The following JAK2 variants were observed in gnomAD, a reference collection of about 807,000 sequenced individuals.
JAK2 encodes Janus kinase 2.
Under a neutral mutation model 139.3 loss-of-function variants are expected in JAK2, and 86 were observed. The ratio of observed to expected loss-of-function variants is 0.62; its 90% CI spans 0.52 to 0.74. JAK2 has a LOEUF of 0.74. Among genes scored for constraint, JAK2 ranks in the 30% least tolerant of loss-of-function variants. JAK2 has a pLI of 0.00. For missense variants in JAK2, 1,421 were observed against 1,360.3 expected (o/e 1.04, Z -0.70); for synonymous variants, 490 against 437.7 (o/e 1.12, Z -1.49).
At chr9:5,057,548 C>G (rs1365260272) in intron 8 of JAK2, among the ~76,000 whole-genome samples, 1 of 150,716 alleles carries the variant, frequency 6.6e-6, no homozygotes, top group Non-Finnish European at 1.5e-5. Flanking sequence ...ATTTCCCCCT[C>G]TTCCCAATCC....
chr9:5,060,897 G>A (rs1818122189), intron 8 of JAK2, among the ~76,000 whole-genome samples: 1 of 152,196 alleles, frequency 6.6e-6, no homozygotes, highest in Non-Finnish European at 1.5e-5. Context: ...CTTGAAAGTT[G>A]AAATTACTCC....
intron 2 of JAK2, among the ~76,000 whole-genome samples, chr9:5,010,412 C>T (rs575213008): frequency 5.3e-5 from 8 of 152,046 alleles, no homozygotes; most frequent in South Asian, 2.1e-4. Flanking sequence ...CCTCTGCCTT[C>T]GGGGTTCAAG....
chr9:5,119,891 C>T (rs530654831), intron 22 of JAK2, among the ~76,000 whole-genome samples: 26 of 151,938 alleles, frequency 1.7e-4, no homozygotes, highest in Admixed American at 2.6e-4. Context: ...ATATTTTATA[C>T]AATGAAATGA....
intron 6 of JAK2, among the ~76,000 whole-genome samples, chr9:5,051,968 A>G (rs965223394): frequency 1.3e-5 from 2 of 149,210 alleles, no homozygotes; most frequent in South Asian, 2.2e-4. Context: ...AGCCCAAAGG[A>G]AAAAAAAAAC....
At position 5,080,619 on chromosome 9, in the gene JAK2, T is replaced by C. The variant is rs1401985047; in HGVS notation, c.2370T>C (p.Tyr790=). 4.4e-6 allele frequency: 7 copies of C among 1,608,934 alleles called. No homozygotes were observed. Among genetic ancestry groups the C allele is most frequent in the Non-Finnish European group, 8.5e-7 (1 of 1,178,580 alleles). Residue 790 remains tyrosine (Y), a synonymous_variant, in exon 18 of 25, where the codon TAT becomes TAC. Transcript: ENST00000381652. ...ACCTTATAAATAATTGTATGGATTA[T>C]GAACCAGATTTCAGGCCTTCTTTCA... ...LANLINNCMD[Y]EPDFRPSFRA...
At chr9:5,110,076 A>T (rs183080369) in intron 22 of JAK2, 2 of 152,246 alleles carry the variant, frequency 1.3e-5, no homozygotes, top group East Asian at 3.9e-4. Context: ...ATTCATTCTA[A>T]ACCCTACCTC....
chr9:5,107,775 T>C (rs1025988460), intron 22 of JAK2, among the ~76,000 whole-genome samples: 1 of 152,148 alleles, frequency 6.6e-6, no homozygotes, highest in African/African-American at 2.4e-5. Flanking sequence ...ATTACCCTTA[T>C]AACTTTAAAT....
In JAK2 at chr9:5,074,619, G is replaced by GTC. The variant is rs1054357479; in HGVS notation, c.1864+841_1864+842dup. ...TGCTCCATCAATGAGCCATTCCTCT[G>GTC]TCTCTCTCCCTCTCCTGGGGCCTCC... is the stretch of plus-strand genomic sequence containing the variant. On this transcript the variant is annotated intron_variant, in intron 14 of 24. Coordinates refer to ENST00000381652, the MANE Select transcript of JAK2 (RefSeq NM_004972.4). Among the ~76,000 whole-genome samples, 3 of 152,280 alleles carry GTC rather than the reference G, an allele frequency of 2.0e-5. No individual in the cohort carries two copies. The East Asian group carries it at 5.8e-4, about 29-fold the overall frequency.
intron 4 of JAK2, chr9:5,041,784 C>T (rs1468235268): frequency 4.1e-6 from 2 of 487,300 alleles, no homozygotes; most frequent in Admixed American, 2.3e-5. Flanking sequence ...CCAGCCTCAG[C>T]TTCGGGACAA....
chr9:5,073,759 A>G lies in JAK2; in HGVS notation c.1838A>G (p.Tyr613Cys). Residue 613 changes from tyrosine (Y) to cysteine (C), a missense_variant, in exon 14 of 25, where the codon TAT becomes TGT. Tyr to Cys is a radical substitution (Grantham distance 194, BLOSUM62 -2). Coordinates refer to ENST00000381652, the MANE Select transcript of JAK2 (RefSeq NM_004972.4). ...TCTCACAAGCATTTGGTTTTAAATT[A>G]TGGAGTATGTGTCTGTGGAGACGAG... ...KLSHKHLVLN[Y>C]GVCVCGDENI... is the part of the protein sequence containing the mutation. The G allele has an allele frequency of 6.2e-7, 1 of 1,611,158 alleles. No individual in the cohort carries two copies. Among genetic ancestry groups the G allele is most frequent in the Non-Finnish European group, 8.5e-7 (1 of 1,177,824 alleles).
intron 22 of JAK2, among the ~76,000 whole-genome samples, chr9:5,101,309 G>A (rs1276280576): frequency 6.6e-6 from 1 of 152,220 alleles, no homozygotes; most frequent in Non-Finnish European, 1.5e-5. Flanking sequence ...CCACCCGTGA[G>A]GCAGCAGCCT....
Position 4,985,617 on chromosome 9 carries a change from G to C in JAK2, c.-122G>C, listed in dbSNP as rs1819902682. ...GCTCGAGGGCGCGCTCTGGTCGCCC[G>C]ATCTGTGTAGCCGGTGGGTGTTATC... On this transcript the variant is annotated 5_prime_UTR_variant, in exon 1 of 25. Coordinates refer to ENST00000381652, the MANE Select transcript of JAK2 (RefSeq NM_004972.4). 1 of 152,562 alleles carries C rather than the reference G, an allele frequency of 6.6e-6. No individual in the cohort carries two copies. The highest frequency in any genetic ancestry group is 6.5e-5 in the Admixed American group (1 of 15,290). The allele number at this position is 152,562 out of a possible 1,614,324, so 9.5% of individuals were successfully genotyped here.
chr9:5,022,381 T>A (rs1162199679), intron 3 of JAK2, among the ~76,000 whole-genome samples, 168 bp downstream of exon 3: 1 of 152,144 alleles, frequency 6.6e-6, no homozygotes, highest in Non-Finnish European at 1.5e-5. Context: ...GGAGTACAAT[T>A]TATGGTGAAT....
At chr9:5,046,199 G>C in intron 5 of JAK2, among the ~76,000 whole-genome samples, 1 of 152,020 alleles carries the variant, frequency 6.6e-6, no homozygotes, top group South Asian at 2.1e-4. Flanking sequence ...TTGCTTGTTG[G>C]CTATTTGTTT....
chr9:5,077,924 T>G (rs1321379553), intron 15 of JAK2, among the ~76,000 whole-genome samples: 1 of 152,148 alleles, frequency 6.6e-6, no homozygotes, highest in Admixed American at 6.5e-5. Flanking sequence ...GAAAGCGGTG[T>G]TGACAGAGAA....
chr9:5,055,856 T>G lies in JAK2; in HGVS notation c.1056+68T>G, dbSNP rs941473495. ...TCTCAGAAATGTGTATTTTAGAATC[T>G]TAGTACCAAAATTATTTTCTGGTAG... On this transcript the variant is annotated intron_variant, in intron 8 of 24. Transcript: ENST00000381652. 4 of 1,375,686 alleles carry G rather than the reference T, an allele frequency of 2.9e-6. No homozygotes were observed. In the African/African-American group the frequency reaches 5.8e-5, roughly 20 times the overall value. The allele number at this position is 1,375,686 out of a possible 1,614,324, so 85.2% of individuals were successfully genotyped here.
At chr9:5,005,506 G>A (rs1052309926) in intron 2 of JAK2, among the ~76,000 whole-genome samples, 1 of 151,960 alleles carries the variant, frequency 6.6e-6, no homozygotes, top group African/African-American at 2.4e-5. Flanking sequence ...CACTCCTGGG[G>A]GTAAATTCAT....
intron 19 of JAK2, among the ~76,000 whole-genome samples, chr9:5,087,230 A>C (rs1014299486): frequency 6.6e-6 from 1 of 152,184 alleles, no homozygotes; most frequent in Admixed American, 6.6e-5. Flanking sequence ...GGCCTCAGGA[A>C]ACTTACAGTC....
intron 4 of JAK2, among the ~76,000 whole-genome samples, chr9:5,036,083 A>G (rs1563943861): frequency 6.6e-6 from 1 of 152,234 alleles, no homozygotes; most frequent in Non-Finnish European, 1.5e-5. Flanking sequence ...CTTACCCACC[A>G]ATAACAGACA....
Sources: allele counts gnomAD v4.1 joint callset (sites outside exome capture counted in the v4.1 genomes callset), GRCh38; gene constraint gnomAD v4.1.1; transcripts MANE v1.5; gene names NCBI Gene and HGNC (gene_info 2026-07-23, HGNC 2026-07-21).